The following GRM3 variants were observed in gnomAD, a reference collection of about 807,000 sequenced individuals.
GRM3 encodes the protein metabotropic glutamate receptor 3.
A neutral mutation model predicts 70.5 loss-of-function variants in GRM3; 26 were observed. The observed-to-expected ratio is 0.37, with a 90% confidence interval of 0.27 to 0.51. The LOEUF (loss-of-function observed/expected upper bound fraction) is 0.51. Among genes scored for constraint, GRM3 ranks in the 20% least tolerant of loss-of-function variants. The pLI is 0.93. For missense variants in GRM3, 859 were observed against 1,123.8 expected (o/e 0.76, Z 3.37); for synonymous variants, 443 against 434.9 (o/e 1.02, Z -0.23).
Position 86,733,313 on chromosome 7 carries a change from CAAAA to C in GRM3, c.-140-31680_-140-31677del, listed in dbSNP as rs61108218. On this transcript the variant is annotated intron_variant, in intron 1 of 5. Coordinates refer to ENST00000361669, the MANE Select transcript of GRM3 (RefSeq NM_000840.3). ...TGGGCAACAGAGCGACACGCCGTCTCAAAAAAAAAAAAAAAAGAATGGCTGAGAT... is the reference window on the plus strand; with the variant it reads ...TGGGCAACAGAGCGACACGCCGTCTCAAAAAAAAAAAAGAATGGCTGAGAT... 1.4e-4 allele frequency among the ~76,000 whole-genome samples: 16 copies of C among 115,548 alleles called. No individual in the cohort carries two copies. The East Asian group carries it at 3.4e-3, about 24-fold the overall frequency. The allele number at this position is 115,548 out of a possible 152,430, so 75.8% of individuals were successfully genotyped here.
At chr7:86,785,632 G>C (rs192667615) in intron 2 of GRM3, among the ~76,000 whole-genome samples, 2 of 147,258 alleles carry the variant, frequency 1.4e-5, no homozygotes, top group East Asian at 4.1e-4. Flanking sequence ...AGATTTTCAG[G>C]AGTTTAGAAA....
intron 4 of GRM3, among the ~76,000 whole-genome samples, chr7:86,844,787 G>A (rs1299875619): frequency 6.6e-6 from 1 of 152,162 alleles, no homozygotes; most frequent in Non-Finnish European, 1.5e-5. Context: ...GAATCCTTGT[G>A]TCAGAAGACA....
intron 3 of GRM3, among the ~76,000 whole-genome samples, chr7:86,801,323 C>G (rs1299145756): frequency 6.6e-6 from 1 of 152,210 alleles, no homozygotes; most frequent in African/African-American, 2.4e-5. Context: ...CCCACCTCAG[C>G]CTCCCAAAGT....
intron 1 of GRM3, among the ~76,000 whole-genome samples, chr7:86,738,551 T>C (rs1795915568): frequency 6.6e-6 from 1 of 152,174 alleles, no homozygotes; most frequent in African/African-American, 2.4e-5. Flanking sequence ...CATTTCCTCA[T>C]GTTACAAATG....
chr7:86,791,451 C>T (rs1797416064), intron 3 of GRM3, among the ~76,000 whole-genome samples: 1 of 151,786 alleles, frequency 6.6e-6, no homozygotes, highest in African/African-American at 2.4e-5. Context: ...AACCAAATAT[C>T]ATTAAAGCTG....
chr7:86,646,317 A>G (rs1166393367), intron 1 of GRM3, among the ~76,000 whole-genome samples: 1 of 152,120 alleles, frequency 6.6e-6, no homozygotes, highest in African/African-American at 2.4e-5. Context: ...TCCTTTCACA[A>G]TGGGTAGTGT....
chr7:86,743,199 G>C (rs1247712119), intron 1 of GRM3, among the ~76,000 whole-genome samples: 7 of 152,140 alleles, frequency 4.6e-5, no homozygotes, highest in South Asian at 4.1e-4. Context: ...TCAATATATA[G>C]GTTTCAATAT....
intron 1 of GRM3, among the ~76,000 whole-genome samples, chr7:86,693,703 G>A (rs11762187): frequency 0.16 from 23,877 of 151,982 alleles, 2,076 homozygotes; most frequent in Non-Finnish European, 0.21. Context: ...AGGTTATCTC[G>A]AAAAGAAAGA....
chr7:86,729,195 C>T (rs1365651337), intron 1 of GRM3, among the ~76,000 whole-genome samples: 1 of 152,092 alleles, frequency 6.6e-6, no homozygotes, highest in Non-Finnish European at 1.5e-5. Flanking sequence ...AGAAGGATTC[C>T]CAAGCTGGAC....
chr7:86,792,864 C>A (rs2116582311), intron 3 of GRM3, among the ~76,000 whole-genome samples: 1 of 151,566 alleles, frequency 6.6e-6, no homozygotes, highest in Middle Eastern at 3.4e-3. Context: ...CTGAAGAAAT[C>A]TTACTCCCAG....
chr7:86,725,500 G>T (rs138767489), intron 1 of GRM3, among the ~76,000 whole-genome samples: 1 of 152,116 alleles, frequency 6.6e-6, no homozygotes, highest in Admixed American at 6.6e-5. Context: ...AGGCCACATA[G>T]CATCACCCTC....
At chr7:86,766,717 A>G (rs1796608874) in intron 2 of GRM3, among the ~76,000 whole-genome samples, 1 of 152,160 alleles carries the variant, frequency 6.6e-6, no homozygotes, top group Admixed American at 6.6e-5. Context: ...TGATTAGAGC[A>G]TTAATGTCAC....
In GRM3 at chr7:86,842,972, C is replaced by T. The variant is rs111692295; in HGVS notation, c.2391+3067C>T. 1.9e-3 allele frequency among the ~76,000 whole-genome samples: 290 copies of T among 152,018 alleles called. 3 individuals are homozygous for T. Among genetic ancestry groups the T allele is most frequent in the African/African-American group, 6.6e-3 (274 of 41,466 alleles). ...GAGAATATAGGGAATATTCTGGAGA[C>T]AGGACAGGAAAGAACCAACCAGAAG... On this transcript the variant is annotated intron_variant, in intron 4 of 5. Coordinates refer to ENST00000361669, the MANE Select transcript of GRM3 (RefSeq NM_000840.3).
chr7:86,710,721 A>G (rs1183920756), intron 1 of GRM3, among the ~76,000 whole-genome samples: 1 of 152,070 alleles, frequency 6.6e-6, no homozygotes, highest in Non-Finnish European at 1.5e-5. Context: ...TCTAGTAAAC[A>G]GTGTATTTTC....
rs55934116 is a variant in GRM3, at chr7:86,716,683, CAA to C, written c.-140-48310_-140-48309del. ...AATTGGCCACTATTCCAGTTATATG[CAA>C]AAAAAAAAAAAATAGTTTCTGCTTA... is the stretch of plus-strand genomic sequence containing the variant. On this transcript the variant is annotated intron_variant, in intron 1 of 5. Coordinates refer to ENST00000361669, the MANE Select transcript of GRM3 (RefSeq NM_000840.3). Among the ~76,000 whole-genome samples, 989 of 139,258 alleles carry C rather than the reference CAA, an allele frequency of 7.1e-3. 9 individuals carry two copies. The highest frequency in any genetic ancestry group is 0.018 in the African/African-American group (666 of 36,634). 91.4% of individuals were successfully genotyped at this position (139,258 alleles called of 152,430 possible).
At chr7:86,744,264 G>A (rs1030729892) in intron 1 of GRM3, among the ~76,000 whole-genome samples, 15 of 151,876 alleles carry the variant, frequency 9.9e-5, no homozygotes, top group African/African-American at 3.6e-4. Context: ...GAAAGAGTGT[G>A]CAGCAGACAG....
Position 86,651,725 on chromosome 7 carries a change from T to C in GRM3, c.-141+6853T>C, listed in dbSNP as rs143385075. ...AGCCAGACCATACCTAACTTCAAAA[T>C]TGATTAGTAGACAAGACATGAACTT... On this transcript the variant is annotated intron_variant, in intron 1 of 5. Coordinates refer to ENST00000361669, the MANE Select transcript of GRM3 (RefSeq NM_000840.3). Among the ~76,000 whole-genome samples, 9 of 152,282 alleles carry C rather than the reference T, an allele frequency of 5.9e-5. No individual in the cohort carries two copies. The East Asian group carries it at 1.6e-3, about 26-fold the overall frequency.
chr7:86,820,610 C>A (rs1247550740), intron 3 of GRM3, among the ~76,000 whole-genome samples: 2 of 152,048 alleles, frequency 1.3e-5, no homozygotes, highest in Non-Finnish European at 2.9e-5. Flanking sequence ...TGTATTATAT[C>A]TTTATAAAAA....
At chr7:86,656,145 C>A (rs1793737313) in intron 1 of GRM3, among the ~76,000 whole-genome samples, 1 of 151,950 alleles carries the variant, frequency 6.6e-6, no homozygotes, top group Non-Finnish European at 1.5e-5. Flanking sequence ...AGCAATCTCT[C>A]TTCTTCACTT....
Sources: gnomAD v4.1 joint callset for allele counts (sites outside exome capture counted in the v4.1 genomes callset) on GRCh38, gnomAD v4.1.1 for gene constraint, MANE v1.5 for transcripts, NCBI Gene and HGNC (gene_info 2026-07-23, HGNC 2026-07-21) for gene names.